Variants in NBAS observed in about 807,000 individuals in gnomAD.
NBAS encodes the protein NBAS subunit of NRZ tethering complex.
NBAS carries 219 observed loss-of-function variants against 302.5 expected under a neutral mutation model. That is an observed-to-expected ratio of 0.72 (90% confidence interval 0.65 to 0.81). The LOEUF (loss-of-function observed/expected upper bound fraction) is 0.81. Ranked by LOEUF, NBAS falls within the 30% of genes least tolerant of loss-of-function variation. NBAS has a pLI of 0.00. For missense variants in NBAS, 2,932 were observed against 2,841.6 expected (o/e 1.03, Z -0.72); for synonymous variants, 1,118 against 1,021.6 (o/e 1.09, Z -1.80).
the NBAS span, among the ~76,000 whole-genome samples, chr2:15,121,749 G>A: frequency 6.7e-6 from 1 of 148,526 alleles, no homozygotes; most frequent in Non-Finnish European, 1.5e-5. Flanking sequence ...TTTTTTGCCC[G>A]TTACTACTTC....
At chr2:15,298,237 G>C (rs1670639394) in intron 40 of NBAS, among the ~76,000 whole-genome samples, 1 of 152,088 alleles carries the variant, frequency 6.6e-6, no homozygotes, top group South Asian at 2.1e-4. Flanking sequence ...TTTGATAACA[G>C]GTTGTAAGTA....
chr2:15,246,492 C>CT (rs1319245654), intron 44 of NBAS, among the ~76,000 whole-genome samples: 1 of 152,176 alleles, frequency 6.6e-6, no homozygotes, highest in Non-Finnish European at 1.5e-5. Context: ...AACAAAGATT[C>CT]TTTACAAGTG....
the NBAS span, among the ~76,000 whole-genome samples, chr2:15,123,670 C>T: frequency 1.3e-5 from 2 of 152,132 alleles, no homozygotes; most frequent in Non-Finnish European, 2.9e-5. Flanking sequence ...CCCACTCTCA[C>T]CCTGTGACAT....
chr2:15,363,971 G>A (rs1367506944), intron 32 of NBAS, among the ~76,000 whole-genome samples: 2 of 152,090 alleles, frequency 1.3e-5, no homozygotes, highest in African/African-American at 2.4e-5. Context: ...ACCAGCTGCC[G>A]TGCTGAGAGA....
chr2:14,813,605 T>C, the NBAS span, among the ~76,000 whole-genome samples: 1 of 152,110 alleles, frequency 6.6e-6, no homozygotes, highest in East Asian at 1.9e-4. Flanking sequence ...CTCACATGCA[T>C]GAACAAAAAG....
intron 44 of NBAS, among the ~76,000 whole-genome samples, chr2:15,261,649 G>C (rs1024109561): frequency 2.0e-5 from 3 of 152,120 alleles, no homozygotes; most frequent in African/African-American, 7.2e-5. Context: ...TTTCAGCAAT[G>C]ATACAAGCTA....
At chr2:15,098,459 T>G in the NBAS span, among the ~76,000 whole-genome samples, 1,423 of 79,466 alleles carry the variant, frequency 0.018, 105 homozygotes, top group East Asian at 0.024. Flanking sequence ...TATTATATAT[T>G]ATATATTGTA....
chr2:15,221,682 T>C (rs764808280), intron 47 of NBAS, among the ~76,000 whole-genome samples: 1 of 152,142 alleles, frequency 6.6e-6, no homozygotes, highest in Non-Finnish European at 1.5e-5. Flanking sequence ...TTAGAATGTA[T>C]ATAAATGCAA....
At chr2:15,169,815 C>T (rs917085939) in intron 51 of NBAS, among the ~76,000 whole-genome samples, 12 of 152,208 alleles carry the variant, frequency 7.9e-5, no homozygotes, top group African/African-American at 2.9e-4. Context: ...CCAAAGCTCA[C>T]ATTCTTTCAG....
At chr2:15,342,813 G>T (rs1441175670) in intron 35 of NBAS, among the ~76,000 whole-genome samples, 1 of 151,824 alleles carries the variant, frequency 6.6e-6, no homozygotes, top group Non-Finnish European at 1.5e-5. Context: ...AATATAGTGT[G>T]CCGGATAATG....
Position 15,417,634 on chromosome 2 carries a change from C to G in NBAS, c.2656G>C (p.Val886Leu). ...PGLLVLCDNL[V>L]TLETLVYEAR... Reference sequence around the variant, plus strand: ...TCATAAACCAATGTTTCCAGAGTAACCAAATTGTCACAGAGAACCAGCAAA... The same window carrying G: ...TCATAAACCAATGTTTCCAGAGTAAGCAAATTGTCACAGAGAACCAGCAAA... Residue 886 changes from valine (V) to leucine (L), a missense_variant, in exon 24 of 52, where the codon GTT becomes CTT. Val to Leu is a conservative substitution (Grantham distance 32). Coordinates refer to ENST00000281513, the MANE Select transcript of NBAS (RefSeq NM_015909.4). 2 of 1,613,944 alleles carry G rather than the reference C, an allele frequency of 1.2e-6. No homozygotes were observed. Among genetic ancestry groups the G allele is most frequent in the Non-Finnish European group, 1.7e-6 (2 of 1,179,952 alleles).
At chr2:15,524,952 T>C (rs1662850462) in intron 9 of NBAS, among the ~76,000 whole-genome samples, 1 of 152,202 alleles carries the variant, frequency 6.6e-6, no homozygotes, top group Admixed American at 6.5e-5. Context: ...AACCCACAGC[T>C]GATGCTAAAG....
At chr2:15,089,421 C>T in the NBAS span, among the ~76,000 whole-genome samples, 3 of 152,180 alleles carry the variant, frequency 2.0e-5, no homozygotes, top group Admixed American at 1.3e-4. Flanking sequence ...CTATCCAATC[C>T]AATTCCTCAT....
chr2:15,415,501 A>G, intron 25 of NBAS, 45 bp downstream of exon 25: 1 of 1,540,892 alleles, frequency 6.5e-7, no homozygotes, highest in South Asian at 1.1e-5. Context: ...CTAATACTGT[A>G]GGGGAAAAAG....
chr2:15,055,477 C>T, the NBAS span, among the ~76,000 whole-genome samples: 1 of 152,102 alleles, frequency 6.6e-6, no homozygotes, highest in Non-Finnish European at 1.5e-5. Context: ...GTGAGGCTGA[C>T]CAAGGTGGAC....
chr2:15,455,876 A>G (rs970959497), intron 21 of NBAS, among the ~76,000 whole-genome samples: 1 of 152,072 alleles, frequency 6.6e-6, no homozygotes, highest in East Asian at 1.9e-4. Context: ...ATAGAAAAAG[A>G]GCAAAAATGA....
chr2:14,844,610 A>T, the NBAS span, among the ~76,000 whole-genome samples: 9 of 152,274 alleles, frequency 5.9e-5, no homozygotes, highest in Non-Finnish European at 8.8e-5. Flanking sequence ...GGGGTCCCCA[A>T]TTCCAAGCCT....
At chr2:15,160,785 A>G in the NBAS span, among the ~76,000 whole-genome samples, 1 of 152,178 alleles carries the variant, frequency 6.6e-6, no homozygotes, top group African/African-American at 2.4e-5. Flanking sequence ...AGTATGGGGG[A>G]AACTGGAATT....
chr2:15,042,973 A>G, the NBAS span, among the ~76,000 whole-genome samples: 18 of 152,190 alleles, frequency 1.2e-4, no homozygotes, highest in Admixed American at 1.2e-3. Context: ...ACACAACAAC[A>G]TTAACAAGCG....
Sources: gnomAD v4.1 joint callset for allele counts (sites outside exome capture counted in the v4.1 genomes callset) on GRCh38, gnomAD v4.1.1 for gene constraint, MANE v1.5 for transcripts, NCBI Gene and HGNC (gene_info 2026-07-23, HGNC 2026-07-21) for gene names.